The following VPS13D variants were observed in gnomAD, a reference collection of about 807,000 sequenced individuals.
The protein encoded by VPS13D is vacuolar protein sorting 13 homolog D.
A neutral mutation model predicts 461.9 loss-of-function variants in VPS13D; 187 were observed. That is an observed-to-expected ratio of 0.40 (90% CI 0.36 to 0.46). VPS13D has a LOEUF of 0.46. VPS13D is among the 20% of genes least tolerant of loss of function. The pLI is 0.60. For missense variants in VPS13D, 4,711 were observed against 5,364.9 expected (o/e 0.88, Z 3.81); for synonymous variants, 1,951 against 1,986.3 (o/e 0.98, Z 0.47).
At chr1:12,245,805 TC>T (rs1270378777) in intron 5 of VPS13D, among the ~76,000 whole-genome samples, 2 of 152,256 alleles carry the variant, frequency 1.3e-5, no homozygotes, top group Non-Finnish European at 2.9e-5. Context: ...CAATCACTAA[TC>T]TACTTTCTTT....
At position 12,327,687 on chromosome 1, in the gene VPS13D, C is replaced by T. The variant is rs1479723258; in HGVS notation, c.8030C>T (p.Ala2677Val). ...GCAGCAAGTTGGTTGTTTAAGAATGCGGAACCTCTGAAGTCTCTTTCCTTG... is the reference window on the plus strand; with the variant it reads ...GCAGCAAGTTGGTTGTTTAAGAATGTGGAACCTCTGAAGTCTCTTTCCTTG... ...KKAASWLFKN[A>V]EPLKSLSLAS... The change falls in exon 36 of 70, where the codon GCG becomes GTG. Residue 2677 changes from alanine (A) to valine (V), a missense_variant. Physicochemically the swap from Ala to Val is moderately conservative, Grantham distance 64. Around this residue, in one of 3 missense-constraint regions of VPS13D, gnomAD observed 4,411 missense variants for 4,937.8 expected, o/e 0.89. Coordinates refer to ENST00000620676, the MANE Select transcript of VPS13D (RefSeq NM_015378.4). 3 of 1,614,066 alleles carry T rather than the reference C, an allele frequency of 1.9e-6. No homozygotes were observed. Among genetic ancestry groups the T allele is most frequent in the Non-Finnish European group, 1.7e-6 (2 of 1,179,998 alleles).
intron 20 of VPS13D, 134 bp from the exon 21 acceptor site, chr1:12,282,571 A>G (rs769980574): frequency 7.4e-5 from 65 of 873,420 alleles, no homozygotes; most frequent in Non-Finnish European, 1.1e-4. Flanking sequence ...AAATAAATGA[A>G]AAGAGATAGT....
chr1:12,431,019 A>C (rs1644984626), intron 65 of VPS13D, among the ~76,000 whole-genome samples: 1 of 152,252 alleles, frequency 6.6e-6, no homozygotes, highest in South Asian at 2.1e-4. Context: ...GTTAGGACTA[A>C]ACACAGGAAG....
At chr1:12,331,254 A>C (rs1374615283) in intron 37 of VPS13D, among the ~76,000 whole-genome samples, 1 of 152,208 alleles carries the variant, frequency 6.6e-6, no homozygotes, top group Non-Finnish European at 1.5e-5. Flanking sequence ...TGGGCAGTCC[A>C]AGGTGTAAAC....
intron 66 of VPS13D, among the ~76,000 whole-genome samples, chr1:12,457,657 C>T (rs1645347853): frequency 6.6e-6 from 1 of 152,178 alleles, no homozygotes; most frequent in Non-Finnish European, 1.5e-5. Flanking sequence ...GGAATATAGA[C>T]AGTAAAATAT....
chr1:12,283,670 G>T lies in VPS13D; in HGVS notation c.5568G>T (p.Lys1856Asn). ...LPPEGILHNV[K>N]LEPHASMESG... ...CTGAGGGCATTCTGCACAACGTGAA[G>T]TTGGAGCCACATGCCTCCATGGAGT... Residue 1856 changes from lysine (K) to asparagine (N), a missense_variant, in exon 21 of 70, where the codon AAG becomes AAT. Coordinates refer to ENST00000620676, the MANE Select transcript of VPS13D (RefSeq NM_015378.4). 6.2e-7 allele frequency: 1 copy of T among 1,614,196 alleles called. No homozygotes were observed. The highest frequency in any genetic ancestry group is 8.5e-7 in the Non-Finnish European group (1 of 1,180,020).
chr1:12,383,340 A>T (rs1644307555), intron 58 of VPS13D, among the ~76,000 whole-genome samples, 185 bp downstream of exon 58: 1 of 152,260 alleles, frequency 6.6e-6, no homozygotes, highest in East Asian at 1.9e-4. Context: ...CAACAAAAAG[A>T]TAAGCGTAAA....
At chr1:12,290,259 C>G (rs1642087425) in intron 22 of VPS13D, among the ~76,000 whole-genome samples, 1 of 152,180 alleles carries the variant, frequency 6.6e-6, no homozygotes, top group Admixed American at 6.5e-5. Context: ...TTAAATCATA[C>G]TAAAACATGC....
intron 2 of VPS13D, among the ~76,000 whole-genome samples, chr1:12,235,256 G>T (rs1390499034): frequency 6.6e-6 from 1 of 152,152 alleles, no homozygotes; most frequent in Non-Finnish European, 1.5e-5. Flanking sequence ...TGAGAATAGA[G>T]TACCGGTGGT....
intron 66 of VPS13D, among the ~76,000 whole-genome samples, chr1:12,458,696 A>G (rs1557451562): frequency 6.6e-6 from 1 of 152,220 alleles, no homozygotes; most frequent in Non-Finnish European, 1.5e-5. Context: ...TTGTCTCACT[A>G]GAGCTGAAGA....
chr1:12,481,791 C>A (rs1186580391), intron 67 of VPS13D, among the ~76,000 whole-genome samples: 5 of 152,238 alleles, frequency 3.3e-5, no homozygotes, highest in Non-Finnish European at 2.9e-5. Context: ...AGTGACTCTG[C>A]AGCTGGGGAG....
chr1:12,507,056 G>A lies in VPS13D; in HGVS notation c.12998G>A (p.Gly4333Glu). 1 of 1,614,264 alleles carries A rather than the reference G, an allele frequency of 6.2e-7. No homozygotes were observed. The highest frequency in any genetic ancestry group is 8.5e-7 in the Non-Finnish European group (1 of 1,180,052). The change falls in exon 69 of 70, where the codon GGA becomes GAA. Residue 4333 changes from glycine (G) to glutamate (E), a missense_variant. Around this residue, in one of 3 missense-constraint regions of VPS13D, gnomAD observed 194 missense variants for 220.9 expected, o/e 0.88. Coordinates refer to ENST00000620676, the MANE Select transcript of VPS13D (RefSeq NM_015378.4). This position sits in a 1 kb window ranked among gnomAD's most constrained non-coding sequence, Gnocchi z 5.3. ...AAGAAAGCCGTGAGCACGAGCAGTG[G>A]AGTGTCCATCCCCGGCCCCTCCCAC... ...VTKKAVSTSS[G>E]VSIPGPSHQK...
At chr1:12,445,154 A>C (rs1645177216) in intron 65 of VPS13D, among the ~76,000 whole-genome samples, 3 of 152,212 alleles carry the variant, frequency 2.0e-5, no homozygotes, top group African/African-American at 7.2e-5. Context: ...CAACCCCTGG[A>C]GTCACAACAG....
rs748602185 is a variant in VPS13D at position 12,338,292 on chromosome 1, G to A, written c.8613G>A (p.Gln2871=). The change falls in exon 40 of 70, where the codon CAG becomes CAA. Residue 2871 remains glutamine, a synonymous_variant. Transcript: ENST00000620676. ...CCAGTCTGACTAACCTAGAGCACCA[G>A]ATCTATGCTAGAGGTACAGTATAGC... ...STASLTNLEH[Q]IYARAEVKTP... 5.6e-6 allele frequency: 9 copies of A among 1,613,586 alleles called. No individual in the cohort carries two copies. In the Admixed American group the frequency reaches 1.3e-4, roughly 24 times the overall value.
At chr1:12,234,421 T>C in intron 2 of VPS13D, 58 bp downstream of exon 2, 1 of 1,439,528 alleles carries the variant, frequency 6.9e-7, no homozygotes, top group Non-Finnish European at 9.7e-7. Context: ...TTTTTGTATT[T>C]TTTTTGTTGT....
In VPS13D at chr1:12,244,415, A is replaced by C. The variant is rs1455814364; in HGVS notation, c.345A>C (p.Gln115His). 1 of 1,614,218 alleles carries C rather than the reference A, an allele frequency of 6.2e-7. No individual in the cohort carries two copies. Among genetic ancestry groups the C allele is most frequent in the African/African-American group, 1.3e-5 (1 of 75,052 alleles). Residue 115 changes from glutamine (Q) to histidine (H), a missense_variant, in exon 4 of 70, where the codon CAA becomes CAC. By Grantham distance (24) the Gln-to-His change is conservative (BLOSUM62 0). Coordinates refer to ENST00000620676, the MANE Select transcript of VPS13D (RefSeq NM_015378.4). ...GGGAACGTAAGAAAGCACTACTTCA[A>C]GCCCTGGAGGAGAAATGGAAGGCAA... ...LERERKKALLQALEEKWKNDR... is the reference protein window; with the variant it reads ...LERERKKALLHALEEKWKNDR...
chr1:12,311,808 T>C lies in VPS13D; in HGVS notation c.6823-5T>C. On this transcript the variant is annotated splice_polypyrimidine_tract_variant and splice_region_variant and intron_variant, in intron 28 of 69. Coordinates refer to ENST00000620676, the MANE Select transcript of VPS13D (RefSeq NM_015378.4). ...TGTGGATTGACGAGCATTTTCCTTTTGTAGACTGTCCTGAGTGGAGAAGTG... is the reference window on the plus strand; with the variant it reads ...TGTGGATTGACGAGCATTTTCCTTTCGTAGACTGTCCTGAGTGGAGAAGTG... 1 of 1,612,572 alleles carries C rather than the reference T, an allele frequency of 6.2e-7. No homozygotes were observed. The highest frequency in any genetic ancestry group is 1.7e-5 in the Admixed American group (1 of 59,726).
At chr1:12,267,658 T>C (rs1641313178) in intron 14 of VPS13D, among the ~76,000 whole-genome samples, 187 bp from the exon 15 acceptor site, 1 of 152,162 alleles carries the variant, frequency 6.6e-6, no homozygotes, top group Non-Finnish European at 1.5e-5. Flanking sequence ...AAGGAAAAGA[T>C]GTGGTCTCAC....
At chr1:12,411,145 C>T (rs1427624559) in intron 63 of VPS13D, among the ~76,000 whole-genome samples, 1 of 152,066 alleles carries the variant, frequency 6.6e-6, no homozygotes, top group African/African-American at 2.4e-5. Context: ...AAGTAAAAGG[C>T]ATAGGAGCTG....
Sources: allele counts gnomAD v4.1 joint callset (sites outside exome capture counted in the v4.1 genomes callset), GRCh38; gene constraint gnomAD v4.1.1; regional missense constraint gnomAD v4.1.1; non-coding constraint Gnocchi (gnomAD v3.1); transcripts MANE v1.5; gene names NCBI Gene and HGNC (gene_info 2026-07-23, HGNC 2026-07-21).